The following ARHGEF38 variants were observed in gnomAD, a reference collection of about 807,000 sequenced individuals.
The protein encoded by ARHGEF38 is Rho guanine nucleotide exchange factor 38.
ARHGEF38 carries 79 observed loss-of-function variants against 79.9 expected under a neutral mutation model. The observed-to-expected ratio is 0.99, with a 90% CI of 0.82 to 1.19. The LOEUF is 1.19. Among genes scored for constraint, ARHGEF38 ranks in the 50% most tolerant of loss-of-function variants. The pLI is 0.00. For missense variants in ARHGEF38, 962 were observed against 907.2 expected, an observed-to-expected ratio of 1.06 and a Z score of -0.78; for synonymous variants, 366 against 328.3, an observed-to-expected ratio of 1.11 and a Z score of -1.24.
intron 2 of ARHGEF38, among the ~76,000 whole-genome samples, chr4:105,593,056 CACAA>C (rs1727414058): frequency 6.6e-6 from 1 of 152,132 alleles, no homozygotes; most frequent in Non-Finnish European, 1.5e-5. Flanking sequence ...CAAAATCAAA[CACAA>C]ACAAACCAAA....
intron 10 of ARHGEF38, among the ~76,000 whole-genome samples, chr4:105,665,454 G>A (rs1730714702): frequency 6.6e-6 from 1 of 151,830 alleles, no homozygotes; most frequent in Non-Finnish European, 1.5e-5. Context: ...CCAAAATCGT[G>A]CCTCTGCACT....
chr4:105,575,754 G>C (rs1004438318), intron 1 of ARHGEF38, among the ~76,000 whole-genome samples: 9 of 152,016 alleles, frequency 5.9e-5, no homozygotes, highest in African/African-American at 1.7e-4. Context: ...TTTTTTCAAA[G>C]TTATCTTCTA....
chr4:105,631,939 G>A (rs1729211036), intron 4 of ARHGEF38, among the ~76,000 whole-genome samples: 1 of 152,134 alleles, frequency 6.6e-6, no homozygotes, highest in Admixed American at 6.5e-5. Flanking sequence ...CAACCACAGA[G>A]AGCTGTGGTG....
chr4:105,570,569 TGA>T (rs2110420746), intron 1 of ARHGEF38, among the ~76,000 whole-genome samples: 1 of 152,204 alleles, frequency 6.6e-6, no homozygotes, highest in African/African-American at 2.4e-5. Context: ...AGGGGAACTA[TGA>T]GTGAAGAGTG....
intron 7 of ARHGEF38, 111 bp downstream of exon 7, chr4:105,648,793 A>T: frequency 9.3e-7 from 1 of 1,071,538 alleles, no homozygotes; most frequent in Non-Finnish European, 1.3e-6. Context: ...AATCAAGGTA[A>T]TTGCCCTATG....
intron 13 of ARHGEF38, among the ~76,000 whole-genome samples, chr4:105,670,702 A>G (rs1353579162): frequency 6.6e-6 from 1 of 152,196 alleles, no homozygotes; most frequent in East Asian, 1.9e-4. Flanking sequence ...TCAGTTTCTA[A>G]AAAACATATT....
In ARHGEF38 at chr4:105,667,526, C is replaced by T; in HGVS notation, c.1971C>T (p.Phe657=). The part of the protein sequence containing the change: ...KMQKVDAENR[F]CDDDFENISL... ...AGAAAGTGGATGCTGAGAACAGGTT[C>T]TGTGACGATGATTTTGAGAACATCA... Residue 657 remains phenylalanine (F), a synonymous_variant, in exon 13 of 14, where the codon TTC becomes TTT. Transcript: ENST00000420470. 1 of 1,536,590 alleles carries T rather than the reference C, an allele frequency of 6.5e-7. No individual in the cohort carries two copies. Among genetic ancestry groups the T allele is most frequent in the Non-Finnish European group, 8.7e-7 (1 of 1,147,022 alleles).
At chr4:105,570,008 A>G (rs1380488118) in intron 1 of ARHGEF38, 1 of 152,226 alleles carries the variant, frequency 6.6e-6, no homozygotes, top group African/African-American at 2.4e-5. Flanking sequence ...AAATTCCACT[A>G]CATAGAACAT....
intron 2 of ARHGEF38, among the ~76,000 whole-genome samples, chr4:105,608,527 G>C (rs1338882314): frequency 6.6e-6 from 1 of 151,462 alleles, no homozygotes; most frequent in Non-Finnish European, 1.5e-5. Flanking sequence ...TTAGTAATTG[G>C]GATATTCATC....
Position 105,680,045 on chromosome 4 carries a change from C to T in ARHGEF38, c.*2108C>T, listed in dbSNP as rs541007716. The T allele has an allele frequency of 5.8e-5, 50 of 862,874 alleles. 1 individual carries two copies. Among genetic ancestry groups the T allele is most frequent in the South Asian group, 5.1e-4 (39 of 76,348 alleles). The allele number at this position is 862,874 out of a possible 1,614,324, so 53.5% of individuals were successfully genotyped here. A position where few individuals can be genotyped will look rare whatever the true frequency, so the allele number is the denominator to read the frequency against. On this transcript the variant is annotated 3_prime_UTR_variant, in exon 14 of 14. Transcript: ENST00000420470. ...GTCAGTTACATTCTTCTTCGTCTCA[C>T]AGAAAATAATAGCCCTCCCTTCAGA... is the stretch of plus-strand genomic sequence containing the variant.
intron 2 of ARHGEF38, among the ~76,000 whole-genome samples, chr4:105,612,912 T>C (rs1386805548): frequency 6.6e-6 from 1 of 151,990 alleles, no homozygotes; most frequent in Non-Finnish European, 1.5e-5. Context: ...TACATTTATA[T>C]CAAGAAAAAA....
intron 1 of ARHGEF38, among the ~76,000 whole-genome samples, chr4:105,571,143 G>C (rs1204635927): frequency 1.3e-5 from 2 of 151,990 alleles, no homozygotes; most frequent in African/African-American, 4.8e-5. Flanking sequence ...CCGCTGAACT[G>C]CACACTTAAA....
intron 1 of ARHGEF38, among the ~76,000 whole-genome samples, chr4:105,577,099 AT>A (rs58789848): frequency 3.3e-5 from 5 of 150,888 alleles, no homozygotes; most frequent in African/African-American, 4.9e-5. Context: ...TCTTTCTTTA[AT>A]TTTTTTTATT....
At chr4:105,575,373 A>G (rs188098858) in intron 1 of ARHGEF38, among the ~76,000 whole-genome samples, 31 of 152,230 alleles carry the variant, frequency 2.0e-4, no homozygotes, top group African/African-American at 7.0e-4. Context: ...ATGGTATCCC[A>G]TTGTGGCTTT....
intron 3 of ARHGEF38, among the ~76,000 whole-genome samples, chr4:105,617,374 T>C (rs1378192149): frequency 2.6e-5 from 4 of 152,198 alleles, no homozygotes; most frequent in African/African-American, 9.6e-5. Flanking sequence ...TTGTGGAATT[T>C]ATTAATTGAA....
intron 3 of ARHGEF38, among the ~76,000 whole-genome samples, chr4:105,615,408 G>A (rs1728472170): frequency 6.6e-6 from 1 of 152,148 alleles, no homozygotes; most frequent in African/African-American, 2.4e-5. Context: ...GTGGTAATAA[G>A]CATTGAGACT....
At chr4:105,662,705 T>G (rs978141738) in intron 10 of ARHGEF38, among the ~76,000 whole-genome samples, 1 of 152,164 alleles carries the variant, frequency 6.6e-6, no homozygotes, top group African/African-American at 2.4e-5. Flanking sequence ...TGCAAATTAT[T>G]TCGATAATTT....
intron 3 of ARHGEF38, among the ~76,000 whole-genome samples, chr4:105,614,421 A>C (rs1339906960): frequency 6.6e-6 from 1 of 152,132 alleles, no homozygotes; most frequent in Non-Finnish European, 1.5e-5. Flanking sequence ...TACACACACA[A>C]AGACTACACA....
rs375300361 is a variant in ARHGEF38, at chr4:105,617,058, T to C, written c.508+3551T>C. ...AAGAGTACTGCAAACAGTTAAATGA[T>C]GACAGTTTTATATCAATGTGAGCAG... On this transcript the variant is annotated intron_variant, in intron 3 of 13. Coordinates refer to ENST00000420470, the MANE Select transcript of ARHGEF38 (RefSeq NM_001242729.2). Among the ~76,000 whole-genome samples the C allele has an allele frequency of 1.7e-3, 266 of 152,350 alleles. 14 individuals carry two copies. In the South Asian group the frequency reaches 0.054, roughly 31 times the overall value.
Sources: gnomAD v4.1 joint callset for allele counts (sites outside exome capture counted in the v4.1 genomes callset) on GRCh38, gnomAD v4.1.1 for gene constraint, MANE v1.5 for transcripts, NCBI Gene and HGNC (gene_info 2026-07-23, HGNC 2026-07-21) for gene names.